Variants in MTUS1 observed in about 807,000 individuals in gnomAD.
MTUS1 encodes microtubule-associated tumor suppressor 1.
A neutral mutation model predicts 120.8 loss-of-function variants in MTUS1; 109 were observed. That is an observed-to-expected ratio of 0.90 (90% CI 0.77 to 1.06). MTUS1 has a LOEUF of 1.06. Among genes scored for constraint, MTUS1 ranks in the 50% least tolerant of loss-of-function variants. The probability of loss-of-function intolerance (pLI) is 0.00; values close to 1 mark genes in which losing one functional copy is unlikely to be tolerated. For synonymous variants in MTUS1, 737 were observed against 550.5 expected (o/e 1.34, Z -4.74); for missense variants, 2,210 against 1,486.3 (o/e 1.49, Z -8.01).
chr8:17,701,845 G>A (rs138220581), intron 6 of MTUS1, among the ~76,000 whole-genome samples: 10 of 152,134 alleles, frequency 6.6e-5, no homozygotes, highest in South Asian at 2.1e-4. Context: ...CACCGCACCC[G>A]GCCAGAATTT....
Position 17,755,025 on chromosome 8 carries a change from T to G in MTUS1, c.783A>C (p.Gly261=). Residue 261 remains glycine (G), a synonymous_variant, in exon 2 of 15, where the codon GGA becomes GGC. Coordinates refer to ENST00000693296, the MANE Select transcript of MTUS1 (RefSeq NM_001363059.2). ...TTCCTGAAGAACATGCACACTGATTTCCAATATCTGAAACAAAAACCTCAC... is the reference window on the plus strand; with the variant it reads ...TTCCTGAAGAACATGCACACTGATTGCCAATATCTGAAACAAAAACCTCAC... ...MQSEVFVSDI[G]NQCACSSGKV... The G allele has an allele frequency of 6.2e-7, 1 of 1,614,008 alleles. No homozygotes were observed. Among genetic ancestry groups the G allele is most frequent in the Non-Finnish European group, 8.5e-7 (1 of 1,180,022 alleles).
intron 2 of MTUS1, 38 bp from the exon 3 acceptor site, chr8:17,743,837 A>C (rs762482673): frequency 1.9e-6 from 3 of 1,573,462 alleles, no homozygotes; most frequent in Non-Finnish European, 2.6e-6. Flanking sequence ...ACCAAAACTA[A>C]AATTCTAAGC....
chr8:17,655,920 C>G lies in MTUS1; in HGVS notation c.3051G>C (p.Lys1017Asn). The G allele has an allele frequency of 6.2e-7, 1 of 1,614,188 alleles. No homozygotes were observed. The highest frequency in any genetic ancestry group is 8.5e-7 in the Non-Finnish European group (1 of 1,180,038). Residue 1017 changes from lysine to asparagine, a missense_variant, in exon 9 of 15, where the codon AAG becomes AAC. By Grantham distance (94) the Lys-to-Asn change is moderately conservative. Transcript: ENST00000693296. ...CTTCTTCAATGTAAGTGTCCCGAAG[C>G]TTTTCATACTCCCTGGTGTAAAACT... The part of the protein sequence containing the change: ...LKEFYTREYE[K>N]LRDTYIEEAE...
intron 1 of MTUS1, among the ~76,000 whole-genome samples, chr8:17,769,994 C>G (rs2049905760): frequency 6.6e-6 from 1 of 151,666 alleles, no homozygotes; most frequent in Non-Finnish European, 1.5e-5. Flanking sequence ...AAGCAAGGTT[C>G]TAGACACTTC....
At chr8:17,664,080 G>A (rs1810372880) in intron 8 of MTUS1, 1 of 152,198 alleles carries the variant, frequency 6.6e-6, no homozygotes. Context: ...CTGGAAGACA[G>A]GCTTAGGGTT....
At chr8:17,703,092 T>C (rs1050938539) in intron 6 of MTUS1, among the ~76,000 whole-genome samples, 6 of 152,110 alleles carry the variant, frequency 3.9e-5, no homozygotes, top group Non-Finnish European at 8.8e-5. Flanking sequence ...ACCTTGAAAA[T>C]GAACACAATA....
At chr8:17,742,269 GT>G (rs1210338239) in intron 3 of MTUS1, among the ~76,000 whole-genome samples, 176 of 94,854 alleles carry the variant, frequency 1.9e-3, no homozygotes, top group Non-Finnish European at 2.6e-3. Context: ...ATGCCCAGCT[GT>G]TTTTTTTTTT....
chr8:17,649,699 G>T lies in MTUS1; in HGVS notation c.3501+147C>A, dbSNP rs528520365. ...AATGAATAAATATGGAACAAACTTG[G>T]AAAGAAAATGTGAACTTTATCTTTT... On this transcript the variant is annotated intron_variant, in intron 13 of 14. Transcript: ENST00000693296. 4 of 624,972 alleles carry T rather than the reference G, an allele frequency of 6.4e-6. No individual in the cohort carries two copies. In the Admixed American group the frequency reaches 1.0e-4, roughly 16 times the overall value. The allele number at this position is 624,972 out of a possible 1,614,324, so 38.7% of individuals were successfully genotyped here.
intron 1 of MTUS1, among the ~76,000 whole-genome samples, chr8:17,782,691 G>C (rs552378902): frequency 3.9e-5 from 6 of 152,134 alleles, no homozygotes; most frequent in Admixed American, 3.9e-4. Context: ...CTTGGATTTT[G>C]TAAAGAATTG....
chr8:17,795,345 A>G (rs1586455842), intron 1 of MTUS1, among the ~76,000 whole-genome samples: 1 of 152,260 alleles, frequency 6.6e-6, no homozygotes, highest in South Asian at 2.1e-4. Flanking sequence ...AGATCAGAAT[A>G]ATTATATTTG....
intron 1 of MTUS1, among the ~76,000 whole-genome samples, chr8:17,765,499 A>T (rs968256591): frequency 5.3e-5 from 8 of 151,904 alleles, no homozygotes; most frequent in Admixed American, 3.9e-4. Flanking sequence ...GTGCACCTGT[A>T]ATCTCAGCTA....
At chr8:17,697,167 T>C in intron 6 of MTUS1, 1 of 1,453,408 alleles carries the variant, frequency 6.9e-7, no homozygotes, top group Non-Finnish European at 9.2e-7. Context: ...TCCAATTATC[T>C]GTCTCCTTGG....
chr8:17,696,745 C>T (rs1818056365), intron 6 of MTUS1, among the ~76,000 whole-genome samples: 1 of 152,170 alleles, frequency 6.6e-6, no homozygotes, highest in Non-Finnish European at 1.5e-5. Context: ...ATTTGTGATT[C>T]ACTTACTACT....
chr8:17,660,344 G>C (rs962012661), intron 8 of MTUS1, among the ~76,000 whole-genome samples: 2 of 152,164 alleles, frequency 1.3e-5, no homozygotes, highest in African/African-American at 2.4e-5. Flanking sequence ...CTGCACTCCA[G>C]CCTGGGTGAC....
intron 8 of MTUS1, among the ~76,000 whole-genome samples, chr8:17,670,420 C>T (rs1448697180): frequency 6.6e-6 from 1 of 152,032 alleles, no homozygotes; most frequent in African/African-American, 2.4e-5. Flanking sequence ...GGTAAGTGAA[C>T]GTATGGGACA....
At chr8:17,756,485 CACGT>C (rs1167273920) in intron 1 of MTUS1, among the ~76,000 whole-genome samples, 3 of 152,076 alleles carry the variant, frequency 2.0e-5, no homozygotes, top group African/African-American at 4.8e-5. Context: ...ATCAAGAACT[CACGT>C]TTCTCCTTTG....
chr8:17,697,336 T>A (rs779408059), intron 6 of MTUS1: 3 of 1,614,130 alleles, frequency 1.9e-6, no homozygotes, highest in African/African-American at 2.7e-5. Flanking sequence ...CCGTCAGTCG[T>A]ATGTGAATGG....
chr8:17,669,011 A>T (rs1398355325), intron 8 of MTUS1, among the ~76,000 whole-genome samples: 1 of 152,250 alleles, frequency 6.6e-6, no homozygotes. Flanking sequence ...AAAATCATTC[A>T]TTGATTGAAG....
chr8:17,665,651 A>G (rs1237588638), intron 8 of MTUS1, among the ~76,000 whole-genome samples: 3 of 152,038 alleles, frequency 2.0e-5, no homozygotes, highest in Non-Finnish European at 2.9e-5. Context: ...TTGAGCCACT[A>G]TGCCCGGCCC....
Sources: gnomAD v4.1 joint callset for allele counts (sites outside exome capture counted in the v4.1 genomes callset) on GRCh38, gnomAD v4.1.1 for gene constraint, MANE v1.5 for transcripts, NCBI Gene and HGNC (gene_info 2026-07-23, HGNC 2026-07-21) for gene names.